The following IPO5 variants were observed in gnomAD, a reference collection of about 807,000 sequenced individuals.
The protein encoded by IPO5 is importin-5.
A neutral mutation model predicts 143.3 loss-of-function variants in IPO5; 18 were observed. The observed-to-expected ratio is 0.13, with a 90% CI of 0.09 to 0.19. The LOEUF (loss-of-function observed/expected upper bound fraction) is 0.19, where lower values mean the gene tolerates loss of function less well. IPO5 is among the 10% of genes least tolerant of loss of function. The pLI is 1.00. For missense variants in IPO5, 1,013 were observed against 1,336.9 expected (o/e 0.76, Z 3.78); for synonymous variants, 477 against 465.7 (o/e 1.02, Z -0.31).
intron 4 of IPO5, among the ~76,000 whole-genome samples, chr13:97,978,249 A>C (rs564369974): frequency 6.6e-6 from 1 of 152,264 alleles, no homozygotes; most frequent in South Asian, 2.1e-4. Context: ...TTTTTTACTT[A>C]ATGGGCTTAT....
chr13:97,980,633 G>A (rs1020112378), intron 4 of IPO5, among the ~76,000 whole-genome samples: 2 of 151,532 alleles, frequency 1.3e-5, no homozygotes, highest in Non-Finnish European at 2.9e-5. Context: ...TTCAAGACCA[G>A]CCTGGCCAAG....
intron 12 of IPO5, 52 bp from the exon 13 acceptor site, chr13:98,000,487 T>C: frequency 8.8e-7 from 1 of 1,132,784 alleles, no homozygotes; most frequent in East Asian, 2.3e-5. Context: ...GAGTATACTA[T>C]TTCTTTTGTG....
chr13:97,983,618 G>C (rs1334104700), intron 5 of IPO5, among the ~76,000 whole-genome samples: 1 of 131,000 alleles, frequency 7.6e-6, no homozygotes, highest in Non-Finnish European at 1.5e-5. Flanking sequence ...GTTTACTTTG[G>C]AAAAGGTATA....
intron 12 of IPO5, among the ~76,000 whole-genome samples, chr13:98,000,284 C>CAAA (rs111826649): frequency 2.5e-5 from 3 of 118,648 alleles, no homozygotes; most frequent in Admixed American, 8.6e-5. Flanking sequence ...GACTCTGTCT[C>CAAA]AAAAAAAAAA....
At chr13:97,971,307 G>C (rs1324897671) in intron 3 of IPO5, among the ~76,000 whole-genome samples, 2 of 152,208 alleles carry the variant, frequency 1.3e-5, no homozygotes, top group African/African-American at 4.8e-5. Context: ...GGTCCCACTT[G>C]CCCCTGGCTG....
chr13:97,961,027 T>C (rs1884835039), intron 2 of IPO5, among the ~76,000 whole-genome samples: 1 of 152,148 alleles, frequency 6.6e-6, no homozygotes, highest in South Asian at 2.1e-4. Context: ...ACCAATCTAC[T>C]GTCTATGGAT....
chr13:97,969,816 A>G lies in IPO5; in HGVS notation c.-19A>G, dbSNP rs535072018. 1 of 1,612,160 alleles carries G rather than the reference A, an allele frequency of 6.2e-7. No individual in the cohort carries two copies. The highest frequency in any genetic ancestry group is 1.3e-5 in the African/African-American group (1 of 75,030). On this transcript the variant is annotated 5_prime_UTR_variant, in exon 3 of 29. Coordinates refer to ENST00000651721, the MANE Select transcript of IPO5 (RefSeq NM_002271.6). Reference sequence around the variant, plus strand: ...ATCAAGTTGGAAAACTAGAAGCAACAGAAAACACAATAAGGTAACTGATTT... The same window carrying G: ...ATCAAGTTGGAAAACTAGAAGCAACGGAAAACACAATAAGGTAACTGATTT...
chr13:98,004,027 G>A (rs546049916), intron 16 of IPO5, among the ~76,000 whole-genome samples: 2 of 152,320 alleles, frequency 1.3e-5, no homozygotes, highest in African/African-American at 4.8e-5. Context: ...GTCCAGCACA[G>A]TGTGTGAGAG....
At chr13:97,981,458 A>G (rs1325620030) in intron 4 of IPO5, 1 of 294,736 alleles carries the variant, frequency 3.4e-6, no homozygotes, top group African/African-American at 2.3e-5. Context: ...CATGGATGCC[A>G]TGGGGCACTT....
rs74860508 is a variant in IPO5 at position 97,967,926 on chromosome 13, C to T, written c.-112-1797C>T. ...GATTACAGGCATGAGCCACCGCACC[C>T]GGCTCAAAGTATTTTCTAATTTCTC... On this transcript the variant is annotated intron_variant, in intron 2 of 28. Coordinates refer to ENST00000651721, the MANE Select transcript of IPO5 (RefSeq NM_002271.6). Among the ~76,000 whole-genome samples the T allele has an allele frequency of 8.8e-3, 1,334 of 152,158 alleles. 88 individuals carry two copies. In the East Asian group the frequency reaches 0.18, roughly 20 times the overall value.
intron 11 of IPO5, among the ~76,000 whole-genome samples, chr13:97,996,911 T>C (rs970769123): frequency 6.6e-6 from 1 of 152,170 alleles, no homozygotes; most frequent in African/African-American, 2.4e-5. Context: ...AATTTTTTAG[T>C]ACTATTTGAA....
At chr13:98,008,496 A>G (rs926979013) in intron 18 of IPO5, among the ~76,000 whole-genome samples, 1 of 152,194 alleles carries the variant, frequency 6.6e-6, no homozygotes, top group Non-Finnish European at 1.5e-5. Flanking sequence ...TCCAACATGT[A>G]ATAGACATCT....
intron 6 of IPO5, chr13:97,987,308 T>C (rs889477710): frequency 2.0e-5 from 3 of 152,180 alleles, no homozygotes; most frequent in Admixed American, 2.0e-4. Context: ...GCAGCTTGTT[T>C]AGATGGCATT....
chr13:98,004,894 T>C (rs922658068), intron 16 of IPO5, among the ~76,000 whole-genome samples: 1 of 145,914 alleles, frequency 6.9e-6, no homozygotes, highest in Non-Finnish European at 1.5e-5. Flanking sequence ...TATTTTATTT[T>C]ATTTATTTAT....
chr13:97,977,450 A>G lies in IPO5; in HGVS notation c.90+664A>G, dbSNP rs984408598. Among the ~76,000 whole-genome samples, 11 of 152,284 alleles carry G rather than the reference A, an allele frequency of 7.2e-5. No homozygotes were observed. The East Asian group carries it at 1.3e-3, about 19-fold the overall frequency. ...GCAGTTTCCACCTTACTCTGGGCTT[A>G]TAATACACTTACTCTGCTCTTCAGA... is the stretch of plus-strand genomic sequence containing the variant. On this transcript the variant is annotated intron_variant, in intron 4 of 28. Transcript: ENST00000651721.
At chr13:97,955,537 T>C (rs1388858089) in intron 2 of IPO5, among the ~76,000 whole-genome samples, 1 of 152,006 alleles carries the variant, frequency 6.6e-6, no homozygotes, top group Non-Finnish European at 1.5e-5. Flanking sequence ...AATCCCAGAG[T>C]TCCAGAACAA....
intron 13 of IPO5, chr13:98,000,903 TC>T (rs1251849735): frequency 8.9e-5 from 41 of 462,590 alleles, no homozygotes; most frequent in Non-Finnish European, 1.6e-4. Flanking sequence ...AATGTTTGAA[TC>T]ATATACTCTT....
chr13:97,955,076 A>G (rs1884370545), intron 2 of IPO5, among the ~76,000 whole-genome samples: 1 of 152,058 alleles, frequency 6.6e-6, no homozygotes, highest in South Asian at 2.1e-4. Flanking sequence ...AAATATAGAA[A>G]AAAGTAGCCA....
chr13:97,992,209 G>A (rs989972826), intron 9 of IPO5, among the ~76,000 whole-genome samples: 1 of 152,092 alleles, frequency 6.6e-6, no homozygotes, highest in Non-Finnish European at 1.5e-5. Context: ...TCTTCCTCTG[G>A]ATTTAGAGTA....
Sources: allele counts gnomAD v4.1 joint callset (sites outside exome capture counted in the v4.1 genomes callset), GRCh38; gene constraint gnomAD v4.1.1; transcripts MANE v1.5; gene names NCBI Gene and HGNC (gene_info 2026-07-23, HGNC 2026-07-21).